Variants in PDE1C observed in about 807,000 individuals in gnomAD.
The protein encoded by PDE1C is dual specificity calcium/calmodulin-dependent 3',5'-cyclic nucleotide phosphodiesterase 1C.
In PDE1C, 62 loss-of-function variants were observed where a neutral mutation model predicts 93.1. That is an observed-to-expected ratio of 0.67 (90% CI 0.54 to 0.82). The LOEUF is 0.82. Among genes scored for constraint, PDE1C ranks in the 40% least tolerant of loss-of-function variants. The pLI, the probability that PDE1C is intolerant of heterozygous loss-of-function variation, is 0.00. For synonymous variants in PDE1C, 325 were observed against 310.1 expected (o/e 1.05, Z -0.50); for missense variants, 742 against 884.6 (o/e 0.84, Z 2.04).
the PDE1C span, chr7:31,692,560 A>C: frequency 5.6e-5 from 87 of 1,548,952 alleles, no homozygotes; most frequent in Non-Finnish European, 7.0e-5. Context: ...CAGTGGTGGA[A>C]GTCAGAGAAG....
downstream of PDE1C, among the ~76,000 whole-genome samples, chr7:31,746,351 T>C (rs1226893474): frequency 1.3e-5 from 2 of 152,114 alleles, no homozygotes; most frequent in African/African-American, 2.4e-5. Flanking sequence ...ATAGTAGCAA[T>C]AACAGAAATA....
At chr7:32,023,067 G>T (rs1365319023) in intron 2 of PDE1C, among the ~76,000 whole-genome samples, 3 of 151,578 alleles carry the variant, frequency 2.0e-5, no homozygotes, top group Non-Finnish European at 4.4e-5. Flanking sequence ...ACACAAGACT[G>T]GCCAACCAAT....
At chr7:32,306,092 C>T (rs893574423) in intron 1 of PDE1C, among the ~76,000 whole-genome samples, 8 of 152,112 alleles carry the variant, frequency 5.3e-5, no homozygotes, top group African/African-American at 1.9e-4. Context: ...TCACTTGATC[C>T]TTCATTCTCT....
intron 14 of PDE1C, 33 bp from the exon 15 acceptor site, chr7:31,816,187 AAAGAG>A: frequency 1.3e-6 from 2 of 1,587,346 alleles, no homozygotes; most frequent in Non-Finnish European, 1.7e-6. Context: ...AAGCCACAGA[AAAGAG>A]AAAAAGAGGT....
intron 2 of PDE1C, among the ~76,000 whole-genome samples, chr7:32,023,986 C>G (rs116581380): frequency 2.0e-5 from 3 of 152,058 alleles, no homozygotes; most frequent in Non-Finnish European, 4.4e-5. Context: ...AGATGTGAAC[C>G]CTGAGGGAGC....
intron 3 of PDE1C, among the ~76,000 whole-genome samples, chr7:32,167,740 C>A (rs939842741): frequency 1.3e-5 from 2 of 152,042 alleles, no homozygotes; most frequent in Non-Finnish European, 2.9e-5. Flanking sequence ...TATTTCATGG[C>A]CCTAAACTCC....
intron 6 of PDE1C, among the ~76,000 whole-genome samples, chr7:31,871,082 T>C (rs990305750): frequency 1.3e-5 from 2 of 151,802 alleles, no homozygotes. Flanking sequence ...AATCCACGTA[T>C]TTGCAGCTAA....
intron 1 of PDE1C, among the ~76,000 whole-genome samples, chr7:32,280,086 CAGA>C (rs1417506060): frequency 6.6e-6 from 1 of 152,064 alleles, no homozygotes; most frequent in Non-Finnish European, 1.5e-5. Flanking sequence ...ACTAAAACAT[CAGA>C]AGTAGATTTG....
At chr7:31,668,911 C>T in the PDE1C span, among the ~76,000 whole-genome samples, 2 of 151,962 alleles carry the variant, frequency 1.3e-5, no homozygotes, top group Non-Finnish European at 2.9e-5. Flanking sequence ...GAGGGAACTG[C>T]AAGTCTGAGC....
At chr7:31,690,390 G>C in the PDE1C span, among the ~76,000 whole-genome samples, 365 of 152,334 alleles carry the variant, frequency 2.4e-3, 2 homozygotes, top group African/African-American at 7.6e-3. Context: ...CTCAGGGTAA[G>C]CTCGGGGGAC....
intron 2 of PDE1C, among the ~76,000 whole-genome samples, chr7:32,025,815 A>T (rs149238644): frequency 1.1e-3 from 160 of 152,212 alleles, no homozygotes; most frequent in African/African-American, 3.5e-3. Flanking sequence ...TCCCTGCTCC[A>T]CTTCTCTGTT....
chr7:32,143,454 G>A (rs1800651249), intron 3 of PDE1C, among the ~76,000 whole-genome samples: 3 of 152,058 alleles, frequency 2.0e-5, no homozygotes, highest in Middle Eastern at 6.8e-3. Flanking sequence ...AGGACGCAGT[G>A]TCACTGACCG....
intron 17 of PDE1C, among the ~76,000 whole-genome samples, chr7:31,759,242 C>A (rs1794677385): frequency 6.6e-6 from 1 of 152,176 alleles, no homozygotes; most frequent in South Asian, 2.1e-4. Context: ...GGCATGAGGG[C>A]ACCATCTTGA....
chr7:32,425,554 G>A (rs192957774), intron 1 of PDE1C, among the ~76,000 whole-genome samples: 166 of 152,202 alleles, frequency 1.1e-3, no homozygotes, highest in African/African-American at 3.3e-3. Flanking sequence ...CCAAGGTGTC[G>A]TCAAATCCAG....
intron 2 of PDE1C, among the ~76,000 whole-genome samples, chr7:32,031,631 C>A (rs978417685): frequency 6.6e-6 from 1 of 152,118 alleles, no homozygotes; most frequent in Non-Finnish European, 1.5e-5. Flanking sequence ...GATCAGAACC[C>A]AAGGTTCCTT....
At chr7:31,874,507 A>C (rs558593789) in intron 5 of PDE1C, among the ~76,000 whole-genome samples, 5 of 152,334 alleles carry the variant, frequency 3.3e-5, no homozygotes, top group Admixed American at 3.3e-4. Flanking sequence ...CTCTCACCCC[A>C]GCCCTCACTG....
exon 1 of PDE1C, chr7:32,299,014 A>G: frequency 8.1e-7 from 1 of 1,231,990 alleles, no homozygotes. Context: ...GAGTGTCAGG[A>G]AGGGAGGACG....
chr7:31,738,493 G>A, the PDE1C span, among the ~76,000 whole-genome samples: 35 of 152,288 alleles, frequency 2.3e-4, no homozygotes, highest in Non-Finnish European at 4.7e-4. Flanking sequence ...TTCAGTTATC[G>A]CCACCTGGCC....
chr7:32,134,286 T>C (rs1800083589), intron 3 of PDE1C, among the ~76,000 whole-genome samples: 1 of 152,078 alleles, frequency 6.6e-6, no homozygotes, highest in Admixed American at 6.6e-5. Flanking sequence ...AATGTACAGA[T>C]TCAGGAAGTT....
Sources: allele counts gnomAD v4.1 joint callset (sites outside exome capture counted in the v4.1 genomes callset), GRCh38; gene constraint gnomAD v4.1.1; transcripts MANE v1.5; gene names NCBI Gene and HGNC (gene_info 2026-07-23, HGNC 2026-07-21).